The following CEP85L variants were observed in gnomAD, a reference collection of about 807,000 sequenced individuals.
CEP85L encodes centrosomal protein 85L.
A neutral mutation model predicts 100.3 loss-of-function variants in CEP85L; 60 were observed. The ratio of observed to expected loss-of-function variants is 0.60; its 90% CI spans 0.49 to 0.74. The LOEUF is 0.74. Ranked by LOEUF, CEP85L falls within the 30% of genes least tolerant of loss-of-function variation. The pLI is 0.00. For synonymous variants in CEP85L, 319 were observed against 322.7 expected, an observed-to-expected ratio of 0.99 and a Z score of 0.12; for missense variants, 973 against 936.2, an observed-to-expected ratio of 1.04 and a Z score of -0.51.
intron 2 of CEP85L, among the ~76,000 whole-genome samples, chr6:118,618,958 T>A (rs1460201022): frequency 6.6e-6 from 1 of 152,000 alleles, no homozygotes; most frequent in Non-Finnish European, 1.5e-5. Context: ...TCATGCCCCA[T>A]CTAGTGGTCA....
chr6:118,624,460 C>T (rs182686293), intron 2 of CEP85L, among the ~76,000 whole-genome samples: 1 of 152,220 alleles, frequency 6.6e-6, no homozygotes, highest in African/African-American at 2.4e-5. Flanking sequence ...TTATAAGGAT[C>T]TCCTAAGCTT....
intron 2 of CEP85L, among the ~76,000 whole-genome samples, chr6:118,624,552 C>G (rs1360985214): frequency 1.3e-5 from 2 of 152,184 alleles, no homozygotes; most frequent in East Asian, 3.9e-4. Context: ...ATACTCTCCT[C>G]CCCTTCCCAG....
intron 1 of CEP85L, among the ~76,000 whole-genome samples, chr6:118,636,010 TA>T (rs975616740): frequency 9.9e-5 from 15 of 152,228 alleles, no homozygotes; most frequent in African/African-American, 3.6e-4. Context: ...AGCCAGATTG[TA>T]AATATTTTCA....
At chr6:118,683,006 G>C (rs1033120337) in intron 1 of CEP85L, among the ~76,000 whole-genome samples, 43 of 152,250 alleles carry the variant, frequency 2.8e-4, no homozygotes, top group African/African-American at 9.9e-4. Flanking sequence ...GCCTGAATTA[G>C]AAGGAAGACA....
At chr6:118,484,682 C>T (rs1002856911) in intron 6 of CEP85L, among the ~76,000 whole-genome samples, 1 of 152,104 alleles carries the variant, frequency 6.6e-6, no homozygotes, top group South Asian at 2.1e-4. Flanking sequence ...GGAATGACTC[C>T]GATTTCTTAG....
At chr6:118,631,160 G>A (rs1774120973) in intron 2 of CEP85L, among the ~76,000 whole-genome samples, 1 of 152,158 alleles carries the variant, frequency 6.6e-6, no homozygotes, top group Non-Finnish European at 1.5e-5. Context: ...CTGTGCATGT[G>A]TGGGGACAAG....
At chr6:118,694,637 C>A (rs1777148303) in intron 1 of CEP85L, among the ~76,000 whole-genome samples, 1 of 152,104 alleles carries the variant, frequency 6.6e-6, no homozygotes, top group South Asian at 2.1e-4. Flanking sequence ...AGTAAAAATT[C>A]TAAGTGAAAG....
chr6:118,570,484 G>A (rs1779823459), intron 2 of CEP85L, among the ~76,000 whole-genome samples: 1 of 152,142 alleles, frequency 6.6e-6, no homozygotes, highest in Admixed American at 6.5e-5. Context: ...TCAGCAATGA[G>A]TGAAAAATCA....
chr6:118,501,632 G>C, intron 5 of CEP85L: 1 of 628,070 alleles, frequency 1.6e-6, no homozygotes, highest in Non-Finnish European at 3.0e-6. Flanking sequence ...CAACAAACCA[G>C]AGACCACTTA....
chr6:118,618,480 G>A (rs1438382834), intron 2 of CEP85L, among the ~76,000 whole-genome samples: 1 of 152,198 alleles, frequency 6.6e-6, no homozygotes, highest in East Asian at 1.9e-4. Context: ...GTGGATGGTA[G>A]AGGCCCTAGG....
At chr6:118,595,311 T>C (rs1013738577) in intron 2 of CEP85L, among the ~76,000 whole-genome samples, 1 of 152,202 alleles carries the variant, frequency 6.6e-6, no homozygotes, top group African/African-American at 2.4e-5. Context: ...AACCTGGAAT[T>C]TGAAACTCCA....
intron 2 of CEP85L, among the ~76,000 whole-genome samples, chr6:118,593,181 G>C (rs142379000): frequency 2.0e-5 from 3 of 152,198 alleles, no homozygotes; most frequent in Admixed American, 6.5e-5. Context: ...TAGAGGGTTT[G>C]AAGGATAATG....
intron 2 of CEP85L, among the ~76,000 whole-genome samples, chr6:118,600,366 T>TGC (rs1781719423): frequency 8.2e-6 from 1 of 121,738 alleles, no homozygotes; most frequent in Non-Finnish European, 1.8e-5. Context: ...TGTGTGTGTG[T>TGC]GTGTAACGCC....
intron 1 of CEP85L, among the ~76,000 whole-genome samples, chr6:118,675,090 T>C (rs754783079): frequency 1.1e-4 from 16 of 152,186 alleles, no homozygotes; most frequent in Non-Finnish European, 2.1e-4. Context: ...ATAAACAAAG[T>C]GTTACACACA....
intron 2 of CEP85L, among the ~76,000 whole-genome samples, chr6:118,586,168 A>G (rs928381868): frequency 6.6e-6 from 1 of 152,156 alleles, no homozygotes; most frequent in African/African-American, 2.4e-5. Flanking sequence ...TTACCAAGAG[A>G]CACACCAGAA....
chr6:118,479,839 C>T, intron 10 of CEP85L, 32 bp downstream of exon 10: 4 of 1,205,190 alleles, frequency 3.3e-6, no homozygotes, highest in Non-Finnish European at 4.7e-6. Context: ...CAGAATATAG[C>T]TAAATTAAAA....
At chr6:118,494,810 G>T (rs1774814631) in intron 5 of CEP85L, among the ~76,000 whole-genome samples, 1 of 152,144 alleles carries the variant, frequency 6.6e-6, no homozygotes, top group Admixed American at 6.6e-5. Context: ...AAAAAACGCA[G>T]TTTGAAGAGA....
At chr6:118,575,732 C>T (rs531721552) in intron 2 of CEP85L, among the ~76,000 whole-genome samples, 4 of 152,260 alleles carry the variant, frequency 2.6e-5, no homozygotes, top group African/African-American at 9.6e-5. Context: ...ATATGTGATG[C>T]AGTCCTTAGA....
intron 5 of CEP85L, among the ~76,000 whole-genome samples, chr6:118,494,331 A>G (rs1383739266): frequency 2.0e-5 from 3 of 152,004 alleles, no homozygotes; most frequent in African/African-American, 7.2e-5. Flanking sequence ...TGGCAGGGGG[A>G]GGGGAAAAGG....
Sources: allele counts gnomAD v4.1 joint callset (sites outside exome capture counted in the v4.1 genomes callset), GRCh38; gene constraint gnomAD v4.1.1; transcripts MANE v1.5; gene names NCBI Gene and HGNC (gene_info 2026-07-23, HGNC 2026-07-21).